STK26: variants seen among roughly 807,000 people sequenced by gnomAD.
STK26 encodes the protein serine/threonine-protein kinase 26.
STK26 carries 14 observed loss-of-function variants against 34.7 expected under a neutral mutation model. The ratio of observed to expected loss-of-function variants is 0.40; its 90% CI spans 0.27 to 0.63. The LOEUF (loss-of-function observed/expected upper bound fraction) is 0.63, where lower values mean the gene tolerates loss of function less well. Ranked by LOEUF, STK26 falls within the 30% of genes least tolerant of loss-of-function variation. STK26 has a pLI of 0.38. For synonymous variants in STK26, 100 were observed against 109.8 expected, an observed-to-expected ratio of 0.91 and a Z score of 0.56; for missense variants, 226 against 309.1, an observed-to-expected ratio of 0.73 and a Z score of 2.02.
At chrX:132,028,071 T>C (rs1935142449) in intron 2 of STK26, among the ~76,000 whole-genome samples, 1 of 100,498 alleles carries the variant, frequency 1.0e-5, no homozygotes, top group African/African-American at 3.7e-5. Flanking sequence ...TTAGTGGTTG[T>C]CCAGGCTGGT....
At chrX:132,069,808 G>A in intron 7 of STK26, 145 bp downstream of exon 7, 1 of 321,980 alleles carries the variant, frequency 3.1e-6, no homozygotes. Context: ...CTTCTGTATT[G>A]CTATTTCTAT....
chrX:132,028,641 G>GGAAAAGTAAGGTTGTAA (rs1294215520), intron 2 of STK26, among the ~76,000 whole-genome samples: 1 of 111,351 alleles, frequency 9.0e-6, no homozygotes, highest in African/African-American at 3.3e-5. Flanking sequence ...TCATGAGACA[G>GGAAAAGTAAGGTTGTAA]GAAAAGTAAG....
intron 2 of STK26, among the ~76,000 whole-genome samples, chrX:132,048,085 A>T (rs897794329): frequency 5.4e-5 from 6 of 111,778 alleles, no homozygotes; most frequent in African/African-American, 1.9e-4. Flanking sequence ...TGTATTCTTG[A>T]AAAATACTAA....
intron 2 of STK26, among the ~76,000 whole-genome samples, chrX:132,039,569 G>T (rs193266982): frequency 1.8e-5 from 2 of 111,482 alleles, no homozygotes; most frequent in Non-Finnish European, 3.8e-5. Context: ...CAGCATACAC[G>T]CAACATTTTA....
chrX:132,062,994 G>A lies in STK26; in HGVS notation c.274-439G>A, dbSNP rs750133438. Among the ~76,000 whole-genome samples the A allele has an allele frequency of 2.7e-5, 3 of 110,934 alleles. No homozygotes were observed. The South Asian group carries it at 1.2e-3, about 43-fold the overall frequency. On this transcript the variant is annotated intron_variant, in intron 3 of 11. Coordinates refer to ENST00000394334, the MANE Select transcript of STK26 (RefSeq NM_016542.4). ...TAATTTTTGTGGCTACAAAGAAGGT[G>A]TAAATATTTATGGGGGTACATGAGC...
At chrX:132,039,109 C>T (rs1271277017) in intron 2 of STK26, among the ~76,000 whole-genome samples, 1 of 111,196 alleles carries the variant, frequency 9.0e-6, no homozygotes, top group Non-Finnish European at 1.9e-5. Context: ...TGTCCACCCA[C>T]ATGCCTGGGT....
chrX:132,043,129 A>G (rs1210892068), intron 2 of STK26, among the ~76,000 whole-genome samples: 1 of 112,132 alleles, frequency 8.9e-6, no homozygotes, highest in Non-Finnish European at 1.9e-5. Flanking sequence ...TTCCACATCT[A>G]GAAGAAAGAT....
At chrX:132,066,871 A>G (rs1200439526) in intron 4 of STK26, among the ~76,000 whole-genome samples, 1 of 111,797 alleles carries the variant, frequency 8.9e-6, no homozygotes, top group East Asian at 2.8e-4. Context: ...ATGTCCTGTG[A>G]TCAGATGATA....
At chrX:132,048,023 A>C (rs954866769) in intron 2 of STK26, among the ~76,000 whole-genome samples, 1 of 111,955 alleles carries the variant, frequency 8.9e-6, no homozygotes, top group African/African-American at 3.2e-5. Context: ...TAGGAGGAAT[A>C]GGTTCAGAAG....
At chrX:132,031,922 C>A (rs1256668347) in intron 2 of STK26, among the ~76,000 whole-genome samples, 2 of 111,649 alleles carry the variant, frequency 1.8e-5, no homozygotes, top group African/African-American at 6.5e-5. Flanking sequence ...CCAACTCTAC[C>A]CACGATCCCC....
At chrX:132,027,497 TA>T (rs895500384) in intron 2 of STK26, among the ~76,000 whole-genome samples, 9 of 111,895 alleles carry the variant, frequency 8.0e-5, no homozygotes, top group Non-Finnish European at 1.7e-4. Flanking sequence ...AACCACATTT[TA>T]AGTCAAGGAG....
intron 2 of STK26, among the ~76,000 whole-genome samples, chrX:132,035,864 C>CACACAT (rs1926029708): frequency 9.3e-6 from 1 of 107,952 alleles, no homozygotes; most frequent in Non-Finnish European, 1.9e-5. Context: ...CACACACACA[C>CACACAT]ACACACACAC....
rs749295578 is a variant in STK26, at chrX:132,068,227, C to G, written c.343C>G (p.Pro115Ala). The G allele has an allele frequency of 1.7e-6, 2 of 1,201,317 alleles. No individual in the cohort carries two copies. The highest frequency in any genetic ancestry group is 5.9e-5 in the East Asian group (2 of 33,775). The change falls in exon 5 of 12, where the codon CCA becomes GCA. Residue 115 changes from proline to alanine, a missense_variant. Pro to Ala is a conservative substitution (Grantham distance 27). Transcript: ENST00000394334. ...TTTTCCCCTTAAGCTTCGAGCTGGT[C>G]CATTTGATGAGTTCCAGATTGCTAC... ...GSALDLLRAGPFDEFQIATML... is the reference protein window; with the variant it reads ...GSALDLLRAGAFDEFQIATML...
chrX:132,057,305 G>T (rs1181796031), intron 3 of STK26, among the ~76,000 whole-genome samples: 2 of 111,684 alleles, frequency 1.8e-5, no homozygotes, highest in Non-Finnish European at 3.8e-5. Flanking sequence ...AGCAAGAGAT[G>T]CCAGTGTCCT....
At chrX:132,053,888 C>T (rs1926768773) in intron 2 of STK26, among the ~76,000 whole-genome samples, 1 of 112,089 alleles carries the variant, frequency 8.9e-6, no homozygotes, top group Non-Finnish European at 1.9e-5. Flanking sequence ...TATAAATCTA[C>T]GTCATGCCTA....
intron 2 of STK26, among the ~76,000 whole-genome samples, chrX:132,035,182 A>G (rs1311403291): frequency 1.8e-5 from 2 of 111,476 alleles, no homozygotes; most frequent in Non-Finnish European, 3.8e-5. Context: ...TGAAGATAGT[A>G]GAGGAAATTG....
intron 2 of STK26, among the ~76,000 whole-genome samples, chrX:132,029,585 G>A (rs1925750398): frequency 9.1e-6 from 1 of 110,396 alleles, no homozygotes; most frequent in African/African-American, 3.3e-5. Context: ...AAAGCCCTCT[G>A]CTCAGCTTTC....
At chrX:132,037,769 CTTTTTTTTTT>C (rs755403402) in intron 2 of STK26, among the ~76,000 whole-genome samples, 4 of 51,868 alleles carry the variant, frequency 7.7e-5, no homozygotes, top group Admixed American at 2.1e-4. Context: ...CGGAGAGCTG[CTTTTTTTTTT>C]TTTTTTTTTT....
rs1489832902 is a variant in STK26 at position 132,063,450 on chromosome X, A to T, written c.291A>T (p.Ile97=). 8.3e-7 allele frequency: 1 copy of T among 1,208,594 alleles called. No homozygotes were observed. Among genetic ancestry groups the T allele is most frequent in the East Asian group, 3.0e-5 (1 of 33,812 alleles). The change falls in exon 4 of 12, where the codon ATA becomes ATT. Residue 97 remains isoleucine, a synonymous_variant. Transcript: ENST00000394334. The part of the protein sequence containing the change: ...GSYLKGSKLW[I]IMEYLGGGSA... ...CTTTACAGGGGTCTAAATTATGGAT[A>T]ATAATGGAATACCTGGGCGGTGGTT...
Sources: gnomAD v4.1 joint callset for allele counts (sites outside exome capture counted in the v4.1 genomes callset) on GRCh38, gnomAD v4.1.1 for gene constraint, MANE v1.5 for transcripts, NCBI Gene and HGNC (gene_info 2026-07-23, HGNC 2026-07-21) for gene names.